Variants in ADAM32 observed in about 807,000 individuals in gnomAD.
The protein encoded by ADAM32 is ADAM metallopeptidase domain 32.
In ADAM32, 89 loss-of-function variants were observed where a neutral mutation model predicts 114.9. That is an observed-to-expected ratio of 0.77 (90% CI 0.65 to 0.92). The LOEUF is 0.92. Ranked by LOEUF, ADAM32 falls within the 40% of genes least tolerant of loss-of-function variation. The probability of loss-of-function intolerance (pLI) is 0.00; values close to 1 mark genes in which losing one functional copy is unlikely to be tolerated. For missense variants in ADAM32, 870 were observed against 932.8 expected (o/e 0.93, Z 0.88); for synonymous variants, 285 against 307.5 (o/e 0.93, Z 0.77).
chr8:39,204,036 C>A (rs1044232363), intron 11 of ADAM32, among the ~76,000 whole-genome samples: 7 of 152,158 alleles, frequency 4.6e-5, no homozygotes, highest in African/African-American at 1.7e-4. Context: ...TGTGGGTAAC[C>A]GGACCCGTCT....
chr8:39,199,076 C>A (rs1353858138), intron 11 of ADAM32, among the ~76,000 whole-genome samples: 1 of 152,154 alleles, frequency 6.6e-6, no homozygotes, highest in Non-Finnish European at 1.5e-5. Context: ...GAGAAATCTA[C>A]ATTTATTCTC....
At chr8:39,223,310 T>C in intron 14 of ADAM32, 72 bp downstream of exon 14, 2 of 981,492 alleles carry the variant, frequency 2.0e-6, no homozygotes, top group South Asian at 5.3e-5. Context: ...TGGGGTATAT[T>C]TTCATATATA....
chr8:39,261,407 G>T (rs1312616982), intron 19 of ADAM32, among the ~76,000 whole-genome samples: 1 of 151,132 alleles, frequency 6.6e-6, no homozygotes, highest in Non-Finnish European at 1.5e-5. Context: ...TATTTTCGTG[G>T]CTAAATGATA....
intron 4 of ADAM32, among the ~76,000 whole-genome samples, chr8:39,149,178 A>T (rs1176189323): frequency 6.6e-6 from 1 of 152,172 alleles, no homozygotes; most frequent in African/African-American, 2.4e-5. Flanking sequence ...TAGATTTTTT[A>T]ATTTTTACTA....
intron 16 of ADAM32, 23 bp downstream of exon 16, chr8:39,234,105 A>T (rs1050433616): frequency 2.0e-5 from 26 of 1,288,280 alleles, no homozygotes; most frequent in Admixed American, 1.8e-4. Flanking sequence ...AAATCTATTT[A>T]AAAAATATAG....
chr8:39,249,691 C>A lies in ADAM32; in HGVS notation c.1902+3525C>A, dbSNP rs976515223. On this transcript the variant is annotated intron_variant, in intron 17 of 24. Coordinates refer to ENST00000379907, the MANE Select transcript of ADAM32 (RefSeq NM_145004.7). Reference sequence around the variant, plus strand: ...AAAATAAAAATTTTTAGTTTACTTTCACTTAATTCCTTCTCTAATACTATT... The same window carrying A: ...AAAATAAAAATTTTTAGTTTACTTTAACTTAATTCCTTCTCTAATACTATT... Among the ~76,000 whole-genome samples the A allele has an allele frequency of 1.3e-4, 20 of 152,142 alleles. 1 individual carries two copies. Among genetic ancestry groups the A allele is most frequent in the Non-Finnish European group, 1.5e-5 (1 of 68,000 alleles).
intron 5 of ADAM32, 145 bp from the exon 6 acceptor site, chr8:39,151,232 G>A (rs1451462624): frequency 3.2e-6 from 2 of 626,608 alleles, no homozygotes; most frequent in Non-Finnish European, 5.0e-6. Context: ...GAAATCTTTT[G>A]TCTCTTCAGA....
intron 14 of ADAM32, among the ~76,000 whole-genome samples, chr8:39,227,730 G>A (rs940057031): frequency 3.3e-5 from 5 of 152,032 alleles, no homozygotes; most frequent in African/African-American, 9.7e-5. Context: ...CCCACCTGAT[G>A]GTCTTCCTTA....
At chr8:39,115,695 A>G (rs768505747) in intron 1 of ADAM32, among the ~76,000 whole-genome samples, 3 of 151,184 alleles carry the variant, frequency 2.0e-5, no homozygotes, top group Admixed American at 1.3e-4. Flanking sequence ...CAGGTTGCCT[A>G]TTTACTTGGT....
intron 7 of ADAM32, among the ~76,000 whole-genome samples, chr8:39,162,223 G>A (rs1035006044): frequency 2.2e-5 from 3 of 135,082 alleles, no homozygotes; most frequent in African/African-American, 8.4e-5. Flanking sequence ...TAGTTTTCTC[G>A]TTGTTCAATT....
At position 39,114,438 on chromosome 8, in the gene ADAM32, C is replaced by T. The variant is rs566249961; in HGVS notation, c.59-3648C>T. On this transcript the variant is annotated intron_variant, in intron 1 of 24. Transcript: ENST00000379907. The stretch of plus-strand genomic sequence containing the variant: ...AACCAGGGAAGAGGCTGTGAGTCCT[C>T]GTGGTGATTGCATCAGTTTCTGCGC... 5.3e-5 allele frequency among the ~76,000 whole-genome samples: 8 copies of T among 152,282 alleles called. No homozygotes were observed. In the South Asian group the frequency reaches 1.7e-3, roughly 32 times the overall value.
chr8:39,138,894 T>A (rs189496539), intron 3 of ADAM32, among the ~76,000 whole-genome samples: 178 of 152,334 alleles, frequency 1.2e-3, no homozygotes, highest in Non-Finnish European at 1.9e-3. Flanking sequence ...TATCTCATTG[T>A]GGTTTTGATT....
chr8:39,160,384 C>CA, intron 6 of ADAM32, among the ~76,000 whole-genome samples: 1 of 151,896 alleles, frequency 6.6e-6, no homozygotes, highest in Non-Finnish European at 1.5e-5. Context: ...ACTAAAAATA[C>CA]AAAAAATTAG....
intron 11 of ADAM32, among the ~76,000 whole-genome samples, chr8:39,206,601 T>C (rs1807850700): frequency 6.6e-6 from 1 of 152,184 alleles, no homozygotes; most frequent in Non-Finnish European, 1.5e-5. Context: ...GTAGGAAGCT[T>C]TCAAGCTCTG....
intron 2 of ADAM32, among the ~76,000 whole-genome samples, chr8:39,123,791 C>T (rs1219494214): frequency 6.7e-6 from 1 of 149,962 alleles, no homozygotes; most frequent in South Asian, 2.1e-4. Context: ...ACTGCAACCT[C>T]TGCCTCCTGC....
At chr8:39,251,544 T>A (rs905557530) in intron 17 of ADAM32, among the ~76,000 whole-genome samples, 20 of 151,930 alleles carry the variant, frequency 1.3e-4, no homozygotes, top group Admixed American at 6.6e-5. Flanking sequence ...CTTTTGCCCA[T>A]TTTTTTAATC....
intron 16 of ADAM32, among the ~76,000 whole-genome samples, chr8:39,241,568 A>G (rs557634851): frequency 2.2e-4 from 34 of 152,158 alleles, no homozygotes; most frequent in Admixed American, 2.0e-4. Context: ...TCAACAACAC[A>G]TGGAAGCTGC....
chr8:39,149,653 A>T, intron 4 of ADAM32, 138 bp from the exon 5 acceptor site: 2 of 547,378 alleles, frequency 3.7e-6, no homozygotes, highest in Non-Finnish European at 6.1e-6. Context: ...TTTTTTCTGA[A>T]TTTCACCTTA....
In ADAM32 at chr8:39,149,852, C is replaced by T. The variant is rs764664916; in HGVS notation, c.338C>T (p.Thr113Met). ...GYPDSMVTLS[T>M]CSGLRGILQF... ...CCAGATTCCATGGTCACACTCAGCACGTGCTCTGGACTAAGGTTGTTTTCT... is the reference window on the plus strand; with the variant it reads ...CCAGATTCCATGGTCACACTCAGCATGTGCTCTGGACTAAGGTTGTTTTCT... Residue 113 changes from threonine (T) to methionine (M), a missense_variant, in exon 5 of 25, where the codon ACG becomes ATG. Thr to Met is a moderately conservative substitution (Grantham distance 81). Transcript: ENST00000379907. 16 of 1,610,746 alleles carry T rather than the reference C, an allele frequency of 9.9e-6. No homozygotes were observed. Among genetic ancestry groups the T allele is most frequent in the African/African-American group, 1.3e-5 (1 of 74,834 alleles).
Sources: allele counts gnomAD v4.1 joint callset (sites outside exome capture counted in the v4.1 genomes callset), GRCh38; gene constraint gnomAD v4.1.1; transcripts MANE v1.5; gene names NCBI Gene and HGNC (gene_info 2026-07-23, HGNC 2026-07-21).